The following MYT1L variants were observed in gnomAD, a reference collection of about 807,000 sequenced individuals.
The protein encoded by MYT1L is myelin transcription factor 1-like protein.
A neutral mutation model predicts 126.7 loss-of-function variants in MYT1L; 12 were observed. That is an observed-to-expected ratio of 0.09 (90% confidence interval 0.06 to 0.15). The LOEUF is 0.15. Ranked by LOEUF, MYT1L falls within the 10% of genes least tolerant of loss-of-function variation. The pLI is 1.00. For synonymous variants in MYT1L, 541 were observed against 604.2 expected (o/e 0.90, Z 1.53); for missense variants, 979 against 1,585.2 (o/e 0.62, Z 6.49).
intron 2 of MYT1L, among the ~76,000 whole-genome samples, chr2:2,190,708 T>C (rs536043154): frequency 6.6e-6 from 1 of 152,318 alleles, no homozygotes; most frequent in African/African-American, 2.4e-5. Flanking sequence ...AGATAACCTG[T>C]TCATACTCAG....
At chr2:2,103,488 G>A (rs938065714) in intron 3 of MYT1L, among the ~76,000 whole-genome samples, 50 of 152,330 alleles carry the variant, frequency 3.3e-4, no homozygotes, top group East Asian at 1.4e-3. Context: ...GAATGGAGGC[G>A]GCCATTCAAC....
intron 5 of MYT1L, among the ~76,000 whole-genome samples, chr2:1,980,192 GTATATATAAAAACAAATATTTA>G (rs2060496368): frequency 6.8e-6 from 1 of 146,986 alleles, no homozygotes; most frequent in African/African-American, 2.5e-5. Context: ...TATATCTTAT[GTATATATAAAAACAAATATTTA>G]TATATATAAC....
At chr2:1,888,603 A>C (rs2048441109) in intron 16 of MYT1L, among the ~76,000 whole-genome samples, 1 of 152,238 alleles carries the variant, frequency 6.6e-6, no homozygotes, top group Non-Finnish European at 1.5e-5. Context: ...TCGGTACATA[A>C]AGAAAACATT....
At chr2:2,147,545 C>T (rs1389111572) in intron 3 of MYT1L, among the ~76,000 whole-genome samples, 1 of 152,252 alleles carries the variant, frequency 6.6e-6, no homozygotes, top group Non-Finnish European at 1.5e-5. Context: ...CCACAGCTGA[C>T]TGTCTGTTCA....
At chr2:2,199,873 G>A (rs1456146066) in intron 2 of MYT1L, among the ~76,000 whole-genome samples, 1 of 152,132 alleles carries the variant, frequency 6.6e-6, no homozygotes, top group South Asian at 2.1e-4. Context: ...CAGGCAGCAC[G>A]GACACCTCTG....
chr2:2,275,657 A>G (rs1392099290), intron 2 of MYT1L, among the ~76,000 whole-genome samples: 1 of 152,134 alleles, frequency 6.6e-6, no homozygotes, highest in Non-Finnish European at 1.5e-5. Flanking sequence ...TCGTCCATGG[A>G]ATGTGAGCAT....
At chr2:2,009,239 T>C (rs1157354581) in intron 4 of MYT1L, among the ~76,000 whole-genome samples, 2 of 152,132 alleles carry the variant, frequency 1.3e-5, no homozygotes, top group Non-Finnish European at 1.5e-5. Context: ...TGAAAATTGC[T>C]ATTGTTGCTA....
chr2:1,969,944 T>G (rs539963268), intron 8 of MYT1L, among the ~76,000 whole-genome samples: 1 of 152,328 alleles, frequency 6.6e-6, no homozygotes, highest in East Asian at 1.9e-4. Context: ...TTCCAGGTAC[T>G]GCAGGCAGCA....
At chr2:2,050,143 T>C (rs1029216287) in intron 4 of MYT1L, among the ~76,000 whole-genome samples, 7 of 152,304 alleles carry the variant, frequency 4.6e-5, no homozygotes, top group African/African-American at 1.7e-4. Context: ...CCATCTCACT[T>C]GACCATTTAC....
chr2:2,209,930 C>T, intron 2 of MYT1L, among the ~76,000 whole-genome samples: 1 of 152,192 alleles, frequency 6.6e-6, no homozygotes, highest in East Asian at 1.9e-4. Flanking sequence ...TCTTCTGTTT[C>T]TCCACATTCT....
intron 2 of MYT1L, among the ~76,000 whole-genome samples, chr2:2,241,098 T>C (rs1321536704): frequency 1.3e-5 from 2 of 152,206 alleles, no homozygotes; most frequent in Non-Finnish European, 2.9e-5. Context: ...GATGCTGTAA[T>C]GGTACCAAGA....
In MYT1L at chr2:1,951,032, T is replaced by C. The variant is rs938255442; in HGVS notation, c.153-7698A>G. 5.3e-5 allele frequency among the ~76,000 whole-genome samples: 8 copies of C among 152,226 alleles called. No individual in the cohort carries two copies. In the East Asian group the frequency reaches 1.6e-3, roughly 30 times the overall value. The stretch of plus-strand genomic sequence containing the variant: ...AACTGGCAGGTGGAGGTGTGTGCAC[T>C]GGTACGGAAGACACGGGAGACTCAG... On this transcript the variant is annotated intron_variant, in intron 8 of 24. Coordinates refer to ENST00000647738, the MANE Select transcript of MYT1L (RefSeq NM_001303052.2).
chr2:2,134,586 G>A (rs1001023609), intron 3 of MYT1L, among the ~76,000 whole-genome samples: 1 of 152,096 alleles, frequency 6.6e-6, no homozygotes, highest in Admixed American at 6.6e-5. Flanking sequence ...TTAGTGCCCT[G>A]GTAAGAAGAG....
chr2:1,957,596 CTATT>C (rs977079371), intron 8 of MYT1L, among the ~76,000 whole-genome samples: 13 of 149,466 alleles, frequency 8.7e-5, no homozygotes, highest in African/African-American at 3.3e-4. Context: ...ATCTATCTAT[CTATT>C]ATCTATCTAT....
chr2:2,209,217 C>T lies in MYT1L; in HGVS notation c.-420-36229G>A, dbSNP rs551194929. Among the ~76,000 whole-genome samples the T allele has an allele frequency of 3.2e-4, 49 of 152,244 alleles. No individual in the cohort carries two copies. In the South Asian group the frequency reaches 9.1e-3, roughly 28 times the overall value. The stretch of plus-strand genomic sequence containing the variant: ...ACAGCATGGTACATGGGGTCTCCAT[C>T]GCCTCAAGCATTTATCCTTTGTGTT... On this transcript the variant is annotated intron_variant, in intron 2 of 24. Coordinates refer to ENST00000647738, the MANE Select transcript of MYT1L (RefSeq NM_001303052.2).
intron 3 of MYT1L, among the ~76,000 whole-genome samples, chr2:2,112,047 A>G (rs1357328676): frequency 1.3e-5 from 2 of 152,232 alleles, no homozygotes; most frequent in Non-Finnish European, 2.9e-5. Flanking sequence ...GGAGCGTCAC[A>G]AGAAACAAAC....
intron 2 of MYT1L, among the ~76,000 whole-genome samples, chr2:2,250,941 A>T (rs577213877): frequency 6.6e-6 from 1 of 152,324 alleles, no homozygotes; most frequent in East Asian, 1.9e-4. Flanking sequence ...ATTTATAATT[A>T]AAAAATGTTT....
chr2:1,954,501 C>T (rs747688934), intron 8 of MYT1L, among the ~76,000 whole-genome samples: 2 of 152,182 alleles, frequency 1.3e-5, no homozygotes, highest in African/African-American at 2.4e-5. Context: ...ACACACTGAA[C>T]GTCAGCACAG....
chr2:1,929,403 G>C lies in MYT1L; in HGVS notation c.506-6140C>G, dbSNP rs1034735143. On this transcript the variant is annotated intron_variant, in intron 9 of 24. Coordinates refer to ENST00000647738, the MANE Select transcript of MYT1L (RefSeq NM_001303052.2). This position sits in a 1 kb window ranked among gnomAD's most constrained non-coding sequence, Gnocchi z 4.7. Reference sequence around the variant, plus strand: ...GCGCCCTCTAACTCAGAGCCCTGCAGTTCAACGCAGGTGAAAGGGGAACAT... The same window carrying C: ...GCGCCCTCTAACTCAGAGCCCTGCACTTCAACGCAGGTGAAAGGGGAACAT... Among the ~76,000 whole-genome samples, 1 of 152,138 alleles carries C rather than the reference G, an allele frequency of 6.6e-6. No individual in the cohort carries two copies. The highest frequency in any genetic ancestry group is 1.5e-5 in the Non-Finnish European group (1 of 68,026).
Sources: gnomAD v4.1 joint callset for allele counts (sites outside exome capture counted in the v4.1 genomes callset) on GRCh38, gnomAD v4.1.1 for gene constraint, Gnocchi (gnomAD v3.1) non-coding constraint, MANE v1.5 for transcripts, NCBI Gene and HGNC (gene_info 2026-07-23, HGNC 2026-07-21) for gene names.